The following ETV3 variants were observed in gnomAD, a reference collection of about 807,000 sequenced individuals.
ETV3 encodes ETS translocation variant 3.
A neutral mutation model predicts 33.0 loss-of-function variants in ETV3; 8 were observed. The ratio of observed to expected loss-of-function variants is 0.24; its 90% CI spans 0.14 to 0.44. The LOEUF is 0.44. Ranked by LOEUF, ETV3 falls within the 20% of genes least tolerant of loss-of-function variation. The probability of loss-of-function intolerance (pLI) is 1.00; values close to 1 mark genes in which losing one functional copy is unlikely to be tolerated. For missense variants in ETV3, 473 were observed against 652.3 expected, an observed-to-expected ratio of 0.73 and a Z score of 2.99; for synonymous variants, 222 against 238.9, an observed-to-expected ratio of 0.93 and a Z score of 0.65.
chr1:157,125,152 C>A lies in ETV3; in HGVS notation c.1228G>T (p.Val410Leu). 1 of 1,551,582 alleles carries A rather than the reference C, an allele frequency of 6.4e-7. No homozygotes were observed. ...TCCTCTTCAATGGTCCTGCTTGGCA[C>A]AGTGCCCTCTTCTTGAGTGTGCTCC... is the stretch of plus-strand genomic sequence containing the variant. ...KEEHTQEEGT[V>L]PSRTIEEEKG... The change falls in exon 5 of 5, where the codon GTG becomes TTG. Residue 410 changes from valine to leucine, a missense_variant. Physicochemically the swap from Val to Leu is conservative, Grantham distance 32 (BLOSUM62 1). This residue lies in a region of ETV3 where 410 missense variants were observed against 520.2 expected (regional missense o/e 0.79). Coordinates refer to ENST00000368192, the MANE Select transcript of ETV3 (RefSeq NM_001145312.3). The surrounding 1 kb of genome is among the most constrained non-coding windows in gnomAD (Gnocchi z 4.0).
At chr1:157,128,520 A>G in intron 4 of ETV3, 1 of 266,520 alleles carries the variant, frequency 3.8e-6, no homozygotes, top group Admixed American at 3.7e-5. Flanking sequence ...AGATGCCAAT[A>G]AGAACAAAGG....
At chr1:157,133,554 C>T (rs996516855) in intron 4 of ETV3, 254 of 986,282 alleles carry the variant, frequency 2.6e-4, no homozygotes, top group Non-Finnish European at 2.9e-4. Flanking sequence ...CTGCACTTAA[C>T]AGGAGAGAAG....
intron 4 of ETV3, chr1:157,128,697 CA>C (rs1674900577): frequency 5.8e-6 from 1 of 171,268 alleles, no homozygotes; most frequent in Non-Finnish European, 1.3e-5. Flanking sequence ...TTATTTATTG[CA>C]AAACAGAAAT....
At chr1:157,133,871 C>T (rs1675030619) in intron 4 of ETV3, 1 of 1,349,396 alleles carries the variant, frequency 7.4e-7, no homozygotes, top group Non-Finnish European at 9.5e-7. Context: ...TAGGAGATTA[C>T]AAACAATATG....
Position 157,124,234 on chromosome 1 carries a change from C to A in ETV3, c.*607G>T, listed in dbSNP as rs1674769277. On this transcript the variant is annotated 3_prime_UTR_variant, in exon 5 of 5. Transcript: ENST00000368192. ...AAAAGAAAAAAATGCCAAACAACAC[C>A]AACCAAAAAAAAAAAAAAAAAAAAA... The A allele has an allele frequency of 4.4e-5, 3 of 68,538 alleles. No individual in the cohort carries two copies. The highest frequency in any genetic ancestry group is 6.4e-5 in the African/African-American group (1 of 15,572). The allele number at this position is 68,538 out of a possible 1,614,324, so 4.2% of individuals were successfully genotyped here. A position where few individuals can be genotyped will look rare whatever the true frequency, so the allele number is the denominator to read the frequency against.
At position 157,124,754 on chromosome 1, in the gene ETV3, T is replaced by TGGGG; in HGVS notation, c.*86_*87insCCCC. ...CCTAGAATGATCAAACCAGTTTAAC[T>TGGGG]CCCTCCCCCCCACCCTGAAATCTTG... On this transcript the variant is annotated 3_prime_UTR_variant, in exon 5 of 5. Coordinates refer to ENST00000368192, the MANE Select transcript of ETV3 (RefSeq NM_001145312.3). 1 of 328,824 alleles carries TGGGG rather than the reference T, an allele frequency of 3.0e-6. No homozygotes were observed. Among genetic ancestry groups the TGGGG allele is most frequent in the Non-Finnish European group, 5.9e-6 (1 of 168,370 alleles). 20.4% of individuals were successfully genotyped at this position (328,824 alleles called of 1,614,324 possible).
chr1:157,133,982 G>A, intron 4 of ETV3, 130 bp downstream of exon 4: 1 of 1,468,408 alleles, frequency 6.8e-7, no homozygotes, highest in Non-Finnish European at 9.0e-7. Flanking sequence ...AGAACATTGA[G>A]GCAATCCAAA....
chr1:157,133,807 G>T (rs1675028929), intron 4 of ETV3: 1 of 1,116,778 alleles, frequency 9.0e-7, no homozygotes, highest in Non-Finnish European at 1.1e-6. Context: ...TGAACGTAAA[G>T]ATCATCACAA....
chr1:157,138,023 G>A lies in ETV3; in HGVS notation c.-14+293C>T, dbSNP rs890511498. 7.9e-5 allele frequency among the ~76,000 whole-genome samples: 12 copies of A among 152,278 alleles called. No homozygotes were observed. The South Asian group carries it at 2.5e-3, about 32-fold the overall frequency. On this transcript the variant is annotated intron_variant, in intron 1 of 4. Transcript: ENST00000368192. ...GCTGCGGGTTTCCCGCAGCAGCTCC[G>A]GGTCCTGGCTTCCACAGCCCCCAGA...
intron 4 of ETV3, chr1:157,133,854 T>G: frequency 7.8e-7 from 1 of 1,273,892 alleles, no homozygotes. Flanking sequence ...GATAGCGTAA[T>G]AGTATCTAGG....
At chr1:157,136,423 A>G (rs1675113402) in intron 1 of ETV3, 58 bp from the exon 2 acceptor site, 1 of 1,504,132 alleles carries the variant, frequency 6.6e-7, no homozygotes, top group East Asian at 2.5e-5. Flanking sequence ...TATCCTCTCA[A>G]AAGTTTTCTG....
chr1:157,137,947 C>A (rs536266181), intron 1 of ETV3, among the ~76,000 whole-genome samples: 2 of 152,324 alleles, frequency 1.3e-5, no homozygotes, highest in East Asian at 1.9e-4. Flanking sequence ...GACCCCTGCC[C>A]TTCCTCTGAT....
intron 3 of ETV3, chr1:157,135,248 A>T (rs1675071085): frequency 3.2e-6 from 2 of 617,600 alleles, no homozygotes; most frequent in East Asian, 5.5e-5. Flanking sequence ...AGTGCCAGCC[A>T]CATTGGAATC....
rs2231857 is a variant in ETV3, at chr1:157,125,663, C to T, written c.717G>A (p.Met239Ile). 1,686 of 1,551,510 alleles carry T rather than the reference C, an allele frequency of 1.1e-3. 5 individuals carry two copies. The highest frequency in any genetic ancestry group is 1.4e-3 in the Non-Finnish European group (1,639 of 1,146,978). The change falls in exon 5 of 5, where the codon ATG (methionine) becomes ATA (isoleucine). Residue 239 changes from methionine (M) to isoleucine (I), a missense_variant. Physicochemically the swap from Met to Ile is conservative, Grantham distance 10. Transcript: ENST00000368192. This position sits in a 1 kb window ranked among gnomAD's most constrained non-coding sequence, Gnocchi z 4.0. Reference protein sequence around the residue: ...IMLPLFARPGMYPDPHSPFAV... With the variant: ...IMLPLFARPGIYPDPHSPFAV... ...CGAAGGGACTGTGGGGGTCAGGGTA[C>T]ATCCCTGGCCTAGCAAACAGAGGAA...
chr1:157,128,734 A>G (rs1674901413), intron 4 of ETV3: 1 of 158,274 alleles, frequency 6.3e-6, no homozygotes, highest in African/African-American at 2.4e-5. Context: ...TATGTGTACC[A>G]TAATTTAACA....
intron 4 of ETV3, among the ~76,000 whole-genome samples, chr1:157,126,369 TCTC>T (rs1322063382): frequency 1.3e-5 from 2 of 152,182 alleles, no homozygotes; most frequent in Non-Finnish European, 1.5e-5. Context: ...ACAAGAGCCT[TCTC>T]CTCTGCAACT....
intron 4 of ETV3, chr1:157,133,339 T>C (rs184869094): frequency 5.2e-6 from 5 of 953,606 alleles, no homozygotes; most frequent in Non-Finnish European, 6.2e-6. Flanking sequence ...GCGAATCTAC[T>C]AGGGGTCTTA....
At chr1:157,128,391 T>C (rs1001981786) in intron 4 of ETV3, 2 of 229,162 alleles carry the variant, frequency 8.7e-6, no homozygotes, top group East Asian at 1.1e-4. Context: ...GCAAGAAGAT[T>C]TGTGTTCAGA....
chr1:157,127,396 T>C (rs1196896866), intron 4 of ETV3, among the ~76,000 whole-genome samples: 1 of 152,214 alleles, frequency 6.6e-6, no homozygotes, highest in Non-Finnish European at 1.5e-5. Flanking sequence ...CTCTAACAAA[T>C]TCTACTGAAT....
Sources: gnomAD v4.1 joint callset for allele counts (sites outside exome capture counted in the v4.1 genomes callset) on GRCh38, gnomAD v4.1.1 for gene constraint, gnomAD v4.1.1 regional missense constraint, Gnocchi (gnomAD v3.1) non-coding constraint, MANE v1.5 for transcripts, NCBI Gene and HGNC (gene_info 2026-07-23, HGNC 2026-07-21) for gene names.